Variants in SSBP3 observed in about 807,000 individuals in gnomAD.
The protein encoded by SSBP3 is single-stranded DNA-binding protein 3.
In SSBP3, 5 loss-of-function variants were observed where a neutral mutation model predicts 69.6. That is an observed-to-expected ratio of 0.07 (90% CI 0.04 to 0.15). The LOEUF (loss-of-function observed/expected upper bound fraction) is 0.15. Among genes scored for constraint, SSBP3 ranks in the 10% least tolerant of loss-of-function variants. SSBP3 has a pLI of 1.00. For synonymous variants in SSBP3, 196 were observed against 193.4 expected (o/e 1.01, Z -0.11); for missense variants, 312 against 534.0 (o/e 0.58, Z 4.10).
chr1:54,312,948 G>C (rs1327966067), intron 4 of SSBP3, among the ~76,000 whole-genome samples: 1 of 152,070 alleles, frequency 6.6e-6, no homozygotes, highest in African/African-American at 2.4e-5. Flanking sequence ...GGAGGGGGTG[G>C]GATGGGAAGG....
intron 4 of SSBP3, among the ~76,000 whole-genome samples, chr1:54,342,806 C>T (rs112992799): frequency 2.9e-3 from 448 of 152,270 alleles, no homozygotes; most frequent in Non-Finnish European, 4.6e-3. Context: ...TGGGCAGGAC[C>T]CTTCCCCGAG....
Position 54,401,748 on chromosome 1 carries a change from C to T in SSBP3, c.276+113G>A, listed in dbSNP as rs189647869. The T allele has an allele frequency of 1.9e-3, 1,527 of 816,926 alleles. 5 individuals carry two copies. The highest frequency in any genetic ancestry group is 7.0e-3 in the Middle Eastern group (19 of 2,722). The allele number at this position is 816,926 out of a possible 1,614,324, so 50.6% of individuals were successfully genotyped here. A position where few individuals can be genotyped will look rare whatever the true frequency, so the allele number is the denominator to read the frequency against. On this transcript the variant is annotated intron_variant, in intron 4 of 17. Transcript: ENST00000610401. ...AGGTGGGCAGGGGAACAGAAAGAAA[C>T]GCAAGAAGCAAATAAAGACCACTGC...
chr1:54,230,923 C>T (rs899559637), intron 14 of SSBP3, among the ~76,000 whole-genome samples: 2 of 152,160 alleles, frequency 1.3e-5, no homozygotes, highest in African/African-American at 4.8e-5. Flanking sequence ...GCAGAAGGAA[C>T]GTTCAGGTTA....
intron 1 of SSBP3, chr1:54,405,531 G>C (rs1478580616): frequency 1.3e-5 from 2 of 153,400 alleles, no homozygotes; most frequent in Non-Finnish European, 2.9e-5. Flanking sequence ...GCCGCGGGCG[G>C]ACAAAAGGAG....
intron 9 of SSBP3, among the ~76,000 whole-genome samples, chr1:54,251,232 ATGG>A (rs1397211060): frequency 6.6e-6 from 1 of 152,140 alleles, no homozygotes; most frequent in African/African-American, 2.4e-5. Context: ...GACACAACCG[ATGG>A]TGGCCCTAAG....
At chr1:54,282,624 G>A (rs1022795058) in intron 4 of SSBP3, among the ~76,000 whole-genome samples, 2 of 152,180 alleles carry the variant, frequency 1.3e-5, no homozygotes, top group African/African-American at 4.8e-5. Context: ...GCCTGGCCCC[G>A]TGCTCACACA....
At chr1:54,286,169 G>C (rs1645485745) in intron 4 of SSBP3, among the ~76,000 whole-genome samples, 1 of 151,942 alleles carries the variant, frequency 6.6e-6, no homozygotes, top group Non-Finnish European at 1.5e-5. Context: ...AGATAACAGT[G>C]GGTGACATTG....
intron 14 of SSBP3, among the ~76,000 whole-genome samples, chr1:54,234,903 A>T (rs1233779921): frequency 6.6e-6 from 1 of 152,192 alleles, no homozygotes; most frequent in Non-Finnish European, 1.5e-5. Flanking sequence ...AGCTGACTAC[A>T]GGCATACACC....
chr1:54,296,425 G>T (rs1645704673), intron 4 of SSBP3, among the ~76,000 whole-genome samples: 2 of 152,158 alleles, frequency 1.3e-5, no homozygotes, highest in South Asian at 4.1e-4. Context: ...TCCATTTAAG[G>T]CCATTGCCAT....
intron 13 of SSBP3, among the ~76,000 whole-genome samples, 166 bp from the exon 14 acceptor site, chr1:54,239,365 T>C (rs752620786): frequency 6.6e-6 from 1 of 152,252 alleles, no homozygotes; most frequent in South Asian, 2.1e-4. Flanking sequence ...ACAAAGTTTT[T>C]AATCACAGAA....
intron 4 of SSBP3, among the ~76,000 whole-genome samples, chr1:54,292,420 G>C (rs1056623600): frequency 2.0e-5 from 3 of 152,130 alleles, no homozygotes; most frequent in Non-Finnish European, 4.4e-5. Flanking sequence ...GACAGGGTGG[G>C]TGAGCCCCCA....
At chr1:54,282,041 A>AAATAATAAT (rs61443250) in intron 4 of SSBP3, among the ~76,000 whole-genome samples, 4,650 of 142,842 alleles carry the variant, frequency 0.033, 229 homozygotes, top group African/African-American at 0.11. Flanking sequence ...GCCCTATCTC[A>AAATAATAAT]AATAATAATA....
rs952075880 is a variant in SSBP3 at position 54,251,653 on chromosome 1, G to A, written c.614C>T (p.Pro205Leu). The change falls in exon 9 of 18, where the codon CCT (proline) becomes CTT (leucine). Residue 205 changes from proline (P) to leucine (L), a missense_variant. Physicochemically the swap from Pro to Leu is moderately conservative, Grantham distance 98. This residue lies in a region of SSBP3 where 134 missense variants were observed against 212.1 expected (regional missense o/e 0.63). Transcript: ENST00000610401. Reference sequence around the variant, plus strand: ...ACCCATGGGCCCCATGCCTCGGGGAGGGTTCATTCTCTGCATTGATCCTCC... The same window carrying A: ...ACCCATGGGCCCCATGCCTCGGGGAAGGTTCATTCTCTGCATTGATCCTCC... 3.9e-6 allele frequency: 6 copies of A among 1,552,786 alleles called. No homozygotes were observed. In the South Asian group the frequency reaches 7.1e-5, roughly 18 times the overall value.
upstream of SSBP3, among the ~76,000 whole-genome samples, chr1:54,407,093 CT>C (rs1649835685): frequency 6.6e-6 from 1 of 152,030 alleles, no homozygotes; most frequent in African/African-American, 2.4e-5. Flanking sequence ...CATTAAAATA[CT>C]TTGGAAAACC....
intron 4 of SSBP3, among the ~76,000 whole-genome samples, chr1:54,344,648 A>G (rs1646659964): frequency 6.6e-6 from 1 of 152,196 alleles, no homozygotes; most frequent in African/African-American, 2.4e-5. Flanking sequence ...AATTGGGGGA[A>G]ACATCCGATC....
At chr1:54,304,674 G>A (rs1645864870) in intron 4 of SSBP3, among the ~76,000 whole-genome samples, 2 of 152,180 alleles carry the variant, frequency 1.3e-5, no homozygotes, top group African/African-American at 2.4e-5. Context: ...ACAGTCCAGC[G>A]GGGTCACTGG....
chr1:54,364,705 C>G (rs1647002410), intron 4 of SSBP3, among the ~76,000 whole-genome samples: 1 of 152,150 alleles, frequency 6.6e-6, no homozygotes, highest in African/African-American at 2.4e-5. Context: ...TTCTAAATAC[C>G]CATTCCACAC....
intron 4 of SSBP3, among the ~76,000 whole-genome samples, chr1:54,336,065 T>G (rs1382458522): frequency 6.6e-6 from 1 of 152,202 alleles, no homozygotes; most frequent in Non-Finnish European, 1.5e-5. Flanking sequence ...AGCTACTACA[T>G]CTGCAGAAAG....
intron 5 of SSBP3, among the ~76,000 whole-genome samples, chr1:54,270,296 A>C (rs1234739749): frequency 6.6e-6 from 1 of 152,156 alleles, no homozygotes; most frequent in Non-Finnish European, 1.5e-5. Flanking sequence ...TCATGGTAGC[A>C]AGCCCGGGAG....
Sources: allele counts gnomAD v4.1 joint callset (sites outside exome capture counted in the v4.1 genomes callset), GRCh38; gene constraint gnomAD v4.1.1; regional missense constraint gnomAD v4.1.1; transcripts MANE v1.5; gene names NCBI Gene and HGNC (gene_info 2026-07-23, HGNC 2026-07-21).